NLRC4: variants seen among roughly 807,000 people sequenced by gnomAD.
NLRC4 encodes NLR family CARD domain containing 4.
A neutral mutation model predicts 79.9 loss-of-function variants in NLRC4; 63 were observed. The observed-to-expected ratio is 0.79, with a 90% CI of 0.64 to 0.97. NLRC4 has a LOEUF of 0.97. Among genes scored for constraint, NLRC4 ranks in the 50% least tolerant of loss-of-function variants. The probability of loss-of-function intolerance (pLI) is 0.00; values close to 1 mark genes in which losing one functional copy is unlikely to be tolerated. For missense variants in NLRC4, 1,074 were observed against 1,215.2 expected, an observed-to-expected ratio of 0.88 and a Z score of 1.73; for synonymous variants, 461 against 456.5, an observed-to-expected ratio of 1.01 and a Z score of -0.12.
chr2:32,233,350 T>TATATATA (rs1491211096), intron 8 of NLRC4, among the ~76,000 whole-genome samples: 54 of 24,400 alleles, frequency 2.2e-3, no homozygotes, highest in African/African-American at 9.3e-3. Flanking sequence ...TATATATATA[T>TATATATA]TTTTTTTTTT....
rs212721 is a variant in NLRC4 at position 32,240,960 on chromosome 2, A to G, written c.2350+73T>C. ...TCCTTGCCTTGTGCAGACACAGCCA[A>G]TGTCAGAGCCTGAAGTTAACTCCTC... On this transcript the variant is annotated intron_variant, in intron 5 of 8. Transcript: ENST00000402280. The G allele has an allele frequency of 0.62, 566,027 of 907,506 alleles. 178,083 individuals are homozygous for G. The highest frequency in any genetic ancestry group is 0.69 in the African/African-American group (42,013 of 61,088). 56.2% of individuals were successfully genotyped at this position (907,506 alleles called of 1,614,324 possible). A position where few individuals can be genotyped will look rare whatever the true frequency, so the allele number is the denominator to read the frequency against.
intron 8 of NLRC4, among the ~76,000 whole-genome samples, chr2:32,232,951 G>A (rs1230111072): frequency 1.3e-5 from 2 of 151,886 alleles, no homozygotes; most frequent in Admixed American, 6.6e-5. Context: ...AGGGAAGGTC[G>A]TTGAAGAGGA....
chr2:32,249,507 C>T, intron 4 of NLRC4, 100 bp downstream of exon 4: 2 of 1,010,424 alleles, frequency 2.0e-6, no homozygotes, highest in Non-Finnish European at 2.9e-6. Context: ...CAGGCTGTAA[C>T]CCTTTAGAAG....
At chr2:32,259,731 T>G (rs1573505024) in intron 1 of NLRC4, among the ~76,000 whole-genome samples, 1 of 152,132 alleles carries the variant, frequency 6.6e-6, no homozygotes, top group African/African-American at 2.4e-5. Context: ...ATTCCATCTC[T>G]GCCACACCCT....
Position 32,250,704 on chromosome 2 carries a change from A to T in NLRC4, c.1160T>A (p.Ile387Asn). Residue 387 changes from isoleucine to asparagine, a missense_variant, in exon 4 of 9, where the codon ATT becomes AAT. Transcript: ENST00000402280. This position sits in a 1 kb window ranked among gnomAD's most constrained non-coding sequence, Gnocchi z 4.9. ...KHKGVAASDF[I>N]RSLDHCGDLA... is the part of the protein sequence containing the mutation. ...GTCTCCACAGTGGTCCAGGCTCCGA[A>T]TGAAGTCACTTGCAGCCACACCTTT... is the stretch of plus-strand genomic sequence containing the variant. 6.2e-7 allele frequency: 1 copy of T among 1,614,216 alleles called. No homozygotes were observed. Among genetic ancestry groups the T allele is most frequent in the South Asian group, 1.1e-5 (1 of 91,084 alleles).
Position 32,224,509 on chromosome 2 carries a change from A to G in NLRC4, c.3039T>C (p.Ser1013=). The change falls in exon 9 of 9, where the codon AGT becomes AGC. Residue 1013 remains serine (S), a synonymous_variant. Coordinates refer to ENST00000402280, the MANE Select transcript of NLRC4 (RefSeq NM_001199138.2). ...CTAGTTTAAAAGCACCTGTAATAAC[A>G]CTGAGATCATCATCATCAAATTGCC... is the stretch of plus-strand genomic sequence containing the variant. ...VGWQFDDDDL[S]VITGAFKLVT... The G allele has an allele frequency of 6.2e-7, 1 of 1,613,126 alleles. No individual in the cohort carries two copies. Among genetic ancestry groups the G allele is most frequent in the Non-Finnish European group, 8.5e-7 (1 of 1,179,618 alleles).
At chr2:32,248,928 G>A (rs1187603266) in intron 4 of NLRC4, among the ~76,000 whole-genome samples, 2 of 152,154 alleles carry the variant, frequency 1.3e-5, no homozygotes, top group African/African-American at 2.4e-5. Flanking sequence ...AACAATCCCT[G>A]TTCCATCTGC....
intron 4 of NLRC4, among the ~76,000 whole-genome samples, chr2:32,246,279 G>T (rs879642407): frequency 6.6e-6 from 1 of 152,162 alleles, no homozygotes; most frequent in African/African-American, 2.4e-5. Context: ...CAGCACATAG[G>T]TGATCACTTT....
rs754091990 is a variant in NLRC4 at position 32,250,289 on chromosome 2, C to G, written c.1575G>C (p.Lys525Asn). 1.9e-6 allele frequency: 3 copies of G among 1,614,204 alleles called. No homozygotes were observed. The highest frequency in any genetic ancestry group is 2.2e-5 in the East Asian group (1 of 44,882). ...HGCLLGLSIA[K>N]RPLWRQESLQ... ...AAGATTCCTGTCTCCAGAGAGGCCT[C>G]TTGGCGATGGAAAGTCCGAGAAGGC... Residue 525 changes from lysine to asparagine, a missense_variant, in exon 4 of 9, where the codon AAG becomes AAC. By Grantham distance (94) the Lys-to-Asn change is moderately conservative. Coordinates refer to ENST00000402280, the MANE Select transcript of NLRC4 (RefSeq NM_001199138.2). The surrounding 1 kb of genome is among the most constrained non-coding windows in gnomAD (Gnocchi z 4.9).
intron 6 of NLRC4, among the ~76,000 whole-genome samples, chr2:32,237,022 C>T (rs1023987169): frequency 4.6e-5 from 7 of 152,186 alleles, no homozygotes; most frequent in African/African-American, 1.4e-4. Flanking sequence ...GTACAAAAGA[C>T]GTGTTTGAAT....
At chr2:32,256,351 C>T (rs1483338973) in intron 2 of NLRC4, among the ~76,000 whole-genome samples, 5 of 152,040 alleles carry the variant, frequency 3.3e-5, no homozygotes, top group African/African-American at 1.2e-4. Flanking sequence ...TATTTAAATT[C>T]ACCTTTAAAT....
rs529571470 is a variant in NLRC4 at position 32,255,471 on chromosome 2, G to T, written c.1+1304C>A. Among the ~76,000 whole-genome samples, 357 of 143,372 alleles carry T rather than the reference G, an allele frequency of 2.5e-3. 2 individuals carry two copies. The highest frequency in any genetic ancestry group is 9.1e-3 in the African/African-American group (348 of 38,300). 94.1% of individuals were successfully genotyped at this position (143,372 alleles called of 152,430 possible). On this transcript the variant is annotated intron_variant, in intron 2 of 8. Transcript: ENST00000402280. ...GGAAGCAGAGGTTGCGGTGAGCCCA[G>T]ATGGCGCCATTGCACTCCAGCCTGG...
intron 5 of NLRC4, among the ~76,000 whole-genome samples, chr2:32,240,370 T>C (rs552649097): frequency 1.2e-4 from 18 of 145,046 alleles, no homozygotes; most frequent in Non-Finnish European, 2.2e-4. Flanking sequence ...AGGAGTATTT[T>C]AGTGAGGACT....
chr2:32,231,376 C>T (rs1362273805), intron 8 of NLRC4, among the ~76,000 whole-genome samples: 1 of 151,516 alleles, frequency 6.6e-6, no homozygotes, highest in Non-Finnish European at 1.5e-5. Flanking sequence ...AGGCTGGTCT[C>T]GAACTCCTGA....
intron 1 of NLRC4, among the ~76,000 whole-genome samples, chr2:32,263,393 G>A (rs1318548960): frequency 1.3e-5 from 2 of 152,178 alleles, no homozygotes; most frequent in East Asian, 3.8e-4. Context: ...GATGGTCAGT[G>A]GGTATTATCT....
At chr2:32,261,954 G>T (rs1025957179) in intron 1 of NLRC4, among the ~76,000 whole-genome samples, 7 of 151,832 alleles carry the variant, frequency 4.6e-5, no homozygotes, top group Admixed American at 2.6e-4. Context: ...GGTGGCAGGC[G>T]CCTGTACTCC....
chr2:32,236,844 A>C (rs986765329), intron 6 of NLRC4, among the ~76,000 whole-genome samples: 1 of 135,838 alleles, frequency 7.4e-6, no homozygotes, highest in Non-Finnish European at 1.6e-5. Context: ...AATAATAAAA[A>C]CATAGTAAAA....
chr2:32,233,993 ATATG>A (rs1184549520), intron 8 of NLRC4, among the ~76,000 whole-genome samples: 1 of 152,140 alleles, frequency 6.6e-6, no homozygotes, highest in Non-Finnish European at 1.5e-5. Context: ...GTGTGTGTAT[ATATG>A]GGAAGATGAA....
intron 2 of NLRC4, 150 bp downstream of exon 2, chr2:32,256,625 A>G: frequency 1.5e-6 from 1 of 645,672 alleles, no homozygotes; most frequent in Non-Finnish European, 2.9e-6. Context: ...CCATATTTGT[A>G]ACTGAATTCC....
Sources: allele counts gnomAD v4.1 joint callset (sites outside exome capture counted in the v4.1 genomes callset), GRCh38; gene constraint gnomAD v4.1.1; non-coding constraint Gnocchi (gnomAD v3.1); transcripts MANE v1.5; gene names NCBI Gene and HGNC (gene_info 2026-07-23, HGNC 2026-07-21).